The following SPIDR variants were observed in gnomAD, a reference collection of about 807,000 sequenced individuals.
SPIDR encodes scaffold protein involved in DNA repair.
SPIDR carries 93 observed loss-of-function variants against 104.6 expected under a neutral mutation model. The ratio of observed to expected loss-of-function variants is 0.89; its 90% CI spans 0.75 to 1.06. The LOEUF (loss-of-function observed/expected upper bound fraction) is 1.06. Among genes scored for constraint, SPIDR ranks in the 50% least tolerant of loss-of-function variants. The pLI, the probability that SPIDR is intolerant of heterozygous loss-of-function variation, is 0.00. For missense variants in SPIDR, 1,154 were observed against 1,111.2 expected (o/e 1.04, Z -0.55); for synonymous variants, 431 against 416.9 (o/e 1.03, Z -0.41).
intron 8 of SPIDR, among the ~76,000 whole-genome samples, chr8:47,477,673 C>T (rs1444443387): frequency 6.6e-6 from 1 of 152,164 alleles, no homozygotes; most frequent in African/African-American, 2.4e-5. Context: ...CAGATTGTCC[C>T]TCAATAAGTA....
At chr8:47,515,172 T>G (rs1005904833) in intron 8 of SPIDR, among the ~76,000 whole-genome samples, 7 of 152,166 alleles carry the variant, frequency 4.6e-5, no homozygotes, top group Non-Finnish European at 1.0e-4. Flanking sequence ...CTAGTGTGCT[T>G]TCTGACAATA....
chr8:47,445,015 T>C (rs2070286247), intron 8 of SPIDR, among the ~76,000 whole-genome samples: 1 of 152,232 alleles, frequency 6.6e-6, no homozygotes, highest in Admixed American at 6.5e-5. Context: ...TGTTTCGTTT[T>C]TGCTGTTGCT....
At chr8:47,503,402 G>A (rs529985959) in intron 8 of SPIDR, among the ~76,000 whole-genome samples, 33 of 152,204 alleles carry the variant, frequency 2.2e-4, no homozygotes, top group African/African-American at 7.2e-4. Context: ...GGCCTTCTTT[G>A]TCTCTTTTGA....
At chr8:47,510,936 C>G in intron 8 of SPIDR, 1 of 593,766 alleles carries the variant, frequency 1.7e-6, no homozygotes, top group Non-Finnish European at 3.0e-6. Flanking sequence ...CACTGGACTA[C>G]TGGTGTGTAC....
At chr8:47,534,412 A>G (rs1326067041) in intron 8 of SPIDR, among the ~76,000 whole-genome samples, 1 of 152,246 alleles carries the variant, frequency 6.6e-6, no homozygotes, top group Non-Finnish European at 1.5e-5. Context: ...CTGGACAAAG[A>G]AAATGTACAT....
intron 7 of SPIDR, among the ~76,000 whole-genome samples, chr8:47,439,468 G>C (rs1417527257): frequency 2.0e-5 from 3 of 152,162 alleles, no homozygotes; most frequent in Non-Finnish European, 2.9e-5. Flanking sequence ...GTGCCGTACA[G>C]TGTTCTGTTG....
rs566393213 is a variant in SPIDR, at chr8:47,263,297, C to G, written c.33+2306C>G. Among the ~76,000 whole-genome samples the G allele has an allele frequency of 2.4e-4, 37 of 152,348 alleles. No individual in the cohort carries two copies. In the South Asian group the frequency reaches 7.2e-3, roughly 30 times the overall value. On this transcript the variant is annotated intron_variant, in intron 1 of 19. Transcript: ENST00000297423. ...TTATTTATCTTATAGGTAAACTAGA[C>G]TACTGCGTCACTGTACTTGCTTGCC...
At chr8:47,477,436 T>C (rs1198608319) in intron 8 of SPIDR, among the ~76,000 whole-genome samples, 1 of 152,236 alleles carries the variant, frequency 6.6e-6, no homozygotes, top group African/African-American at 2.4e-5. Flanking sequence ...CCTCAAGTGA[T>C]CTGCCTGCCT....
intron 5 of SPIDR, among the ~76,000 whole-genome samples, chr8:47,336,825 T>C (rs533756169): frequency 6.6e-6 from 1 of 152,244 alleles, no homozygotes; most frequent in Non-Finnish European, 1.5e-5. Flanking sequence ...GTTATCTTTG[T>C]ATTTCACTTT....
intron 8 of SPIDR, among the ~76,000 whole-genome samples, chr8:47,557,968 G>A (rs1333079100): frequency 6.6e-6 from 1 of 152,128 alleles, no homozygotes; most frequent in South Asian, 2.1e-4. Flanking sequence ...GGAATACTTT[G>A]CAGCCATAAA....
Position 47,455,696 on chromosome 8 carries a change from G to A in SPIDR, c.1097+15154G>A, listed in dbSNP as rs531645812. Among the ~76,000 whole-genome samples the A allele has an allele frequency of 3.5e-4, 54 of 152,160 alleles. 1 individual carries two copies. In the South Asian group the frequency reaches 0.011, roughly 32 times the overall value. On this transcript the variant is annotated intron_variant, in intron 8 of 19. Coordinates refer to ENST00000297423, the MANE Select transcript of SPIDR (RefSeq NM_001080394.4). ...AGAATGAAAATGCTAAAAAAGAACA[G>A]GGGTGACTATATTATTATCAGACAA...
At chr8:47,734,150 G>GC (rs2085762178) in intron 19 of SPIDR, among the ~76,000 whole-genome samples, 1 of 152,168 alleles carries the variant, frequency 6.6e-6, no homozygotes, top group Non-Finnish European at 1.5e-5. Flanking sequence ...ATTAGCGGGT[G>GC]CCCCCAAGGC....
chr8:47,499,107 A>T (rs562317153), intron 8 of SPIDR, among the ~76,000 whole-genome samples: 41 of 152,302 alleles, frequency 2.7e-4, no homozygotes, highest in African/African-American at 9.4e-4. Context: ...GTGAGCCTTT[A>T]CTGCTGTCTG....
intron 7 of SPIDR, among the ~76,000 whole-genome samples, chr8:47,426,584 T>C (rs1351072424): frequency 6.6e-6 from 1 of 152,244 alleles, no homozygotes; most frequent in African/African-American, 2.4e-5. Context: ...AACCATATTT[T>C]ACACTTGAAG....
intron 11 of SPIDR, among the ~76,000 whole-genome samples, chr8:47,675,486 CT>C (rs2076315799): frequency 6.6e-6 from 1 of 152,144 alleles, no homozygotes; most frequent in Non-Finnish European, 1.5e-5. Flanking sequence ...TCACATGAGT[CT>C]TACCCTTATT....
intron 19 of SPIDR, among the ~76,000 whole-genome samples, chr8:47,730,124 T>C (rs1179832705): frequency 6.6e-6 from 1 of 152,202 alleles, no homozygotes; most frequent in African/African-American, 2.4e-5. Flanking sequence ...TTTTTTTCTT[T>C]TTTTAAACAC....
At chr8:47,627,856 CATTT>C (rs2154440543) in intron 10 of SPIDR, among the ~76,000 whole-genome samples, 1 of 152,302 alleles carries the variant, frequency 6.6e-6, no homozygotes, top group Admixed American at 6.5e-5. Flanking sequence ...GAGAAGTTAG[CATTT>C]GTGTTTTCAT....
chr8:47,581,240 A>C (rs376467881), intron 8 of SPIDR, among the ~76,000 whole-genome samples: 1 of 152,162 alleles, frequency 6.6e-6, no homozygotes, highest in South Asian at 2.1e-4. Flanking sequence ...CCTCTCAGCT[A>C]GCCCCCACCC....
At chr8:47,467,785 G>A (rs1220079401) in intron 8 of SPIDR, among the ~76,000 whole-genome samples, 2 of 152,174 alleles carry the variant, frequency 1.3e-5, no homozygotes, top group Non-Finnish European at 2.9e-5. Context: ...CATTCCCCTT[G>A]AAAACCAGCC....
Sources: gnomAD v4.1 joint callset for allele counts (sites outside exome capture counted in the v4.1 genomes callset) on GRCh38, gnomAD v4.1.1 for gene constraint, MANE v1.5 for transcripts, NCBI Gene and HGNC (gene_info 2026-07-23, HGNC 2026-07-21) for gene names.